CAPZB: variants seen among roughly 807,000 people sequenced by gnomAD.
CAPZB encodes the protein capping actin protein of muscle Z-line subunit beta, also known as F-actin-capping protein subunit beta.
In CAPZB, 2 loss-of-function variants were observed where a neutral mutation model predicts 38.1. That is an observed-to-expected ratio of 0.05 (90% confidence interval 0.02 to 0.17). The LOEUF (loss-of-function observed/expected upper bound fraction) is 0.17. Ranked by LOEUF, CAPZB falls within the 10% of genes least tolerant of loss-of-function variation. CAPZB has a pLI of 1.00. For missense variants in CAPZB, 161 were observed against 334.2 expected, an observed-to-expected ratio of 0.48 and a Z score of 4.04; for synonymous variants, 107 against 127.4, an observed-to-expected ratio of 0.84 and a Z score of 1.08.
chr1:19,382,084 G>A (rs1306953858), intron 3 of CAPZB, among the ~76,000 whole-genome samples: 4 of 152,048 alleles, frequency 2.6e-5, no homozygotes, highest in East Asian at 3.9e-4. Context: ...CCTGTAGGCT[G>A]GGAAGACCCG....
intron 1 of CAPZB, among the ~76,000 whole-genome samples, chr1:19,427,812 T>C (rs1165342450): frequency 6.6e-6 from 1 of 152,224 alleles, no homozygotes; most frequent in African/African-American, 2.4e-5. Context: ...ACGACAGAAG[T>C]CCACTTGGCG....
At chr1:19,409,375 G>T (rs567004328) in intron 2 of CAPZB, among the ~76,000 whole-genome samples, 4 of 152,080 alleles carry the variant, frequency 2.6e-5, no homozygotes, top group South Asian at 4.2e-4. Context: ...CCAAGCAGAA[G>T]GAACAGTCAT....
At chr1:19,469,220 AG>A (rs1009142896) in intron 1 of CAPZB, among the ~76,000 whole-genome samples, 4 of 152,292 alleles carry the variant, frequency 2.6e-5, no homozygotes, top group African/African-American at 9.6e-5. Flanking sequence ...CAGGCAGGGA[AG>A]GGGGAGCCAC....
chr1:19,423,968 T>C (rs1207685317), intron 1 of CAPZB, among the ~76,000 whole-genome samples: 2 of 151,802 alleles, frequency 1.3e-5, no homozygotes, highest in African/African-American at 2.4e-5. Context: ...TGAGCCACCA[T>C]GCCCAGCCAA....
At chr1:19,380,610 G>T (rs1269205255) in intron 3 of CAPZB, among the ~76,000 whole-genome samples, 1 of 152,206 alleles carries the variant, frequency 6.6e-6, no homozygotes, top group African/African-American at 2.4e-5. Flanking sequence ...TTCCTGAGAC[G>T]ATGGAGATGT....
chr1:19,462,420 T>C (rs2094554895), intron 1 of CAPZB, among the ~76,000 whole-genome samples: 1 of 151,268 alleles, frequency 6.6e-6, no homozygotes, highest in African/African-American at 2.4e-5. Context: ...ATCGTGCCAC[T>C]GCACTCTAGC....
At chr1:19,450,144 C>CAAAA (rs71008167) in intron 1 of CAPZB, among the ~76,000 whole-genome samples, 47 of 35,438 alleles carry the variant, frequency 1.3e-3, no homozygotes, top group African/African-American at 2.3e-3. Flanking sequence ...ACCCTGTCTC[C>CAAAA]AAAAAAAAAA....
chr1:19,430,957 G>A (rs761396410), intron 1 of CAPZB, among the ~76,000 whole-genome samples: 3 of 152,132 alleles, frequency 2.0e-5, no homozygotes, highest in Admixed American at 6.5e-5. Flanking sequence ...TGAGTGAGCT[G>A]GAGCATTTTC....
chr1:19,375,926 T>C (rs1389691193), intron 4 of CAPZB, among the ~76,000 whole-genome samples: 1 of 152,112 alleles, frequency 6.6e-6, no homozygotes, highest in East Asian at 1.9e-4. Context: ...GAAATTCTCA[T>C]GATAACAGGC....
At chr1:19,477,438 C>T (rs1239473725) in intron 1 of CAPZB, among the ~76,000 whole-genome samples, 2 of 152,242 alleles carry the variant, frequency 1.3e-5, no homozygotes, top group Non-Finnish European at 2.9e-5. Flanking sequence ...CAAGCCTGGC[C>T]GCTGCTCTTT....
intron 1 of CAPZB, among the ~76,000 whole-genome samples, chr1:19,478,586 A>G (rs1424454099): frequency 6.6e-6 from 1 of 152,240 alleles, no homozygotes; most frequent in Non-Finnish European, 1.5e-5. Flanking sequence ...GGAAAAACGC[A>G]GGCAAGCAGC....
intron 6 of CAPZB, among the ~76,000 whole-genome samples, chr1:19,355,648 C>T (rs577945110): frequency 4.6e-5 from 7 of 152,336 alleles, no homozygotes; most frequent in African/African-American, 1.4e-4. Context: ...GAACTGAGAA[C>T]GGAAGGGCAT....
intron 3 of CAPZB, among the ~76,000 whole-genome samples, chr1:19,381,779 G>A (rs1425038234): frequency 2.1e-5 from 3 of 142,720 alleles, no homozygotes; most frequent in African/African-American, 7.9e-5. Context: ...TGCAACCTGT[G>A]TCTCCTGGGT....
At chr1:19,370,701 T>C (rs990618155) in intron 4 of CAPZB, among the ~76,000 whole-genome samples, 1 of 151,946 alleles carries the variant, frequency 6.6e-6, no homozygotes, top group Admixed American at 6.6e-5. Context: ...AAACCCAAGT[T>C]CCCAGCTGCC....
intron 2 of CAPZB, among the ~76,000 whole-genome samples, chr1:19,392,135 A>C (rs1490606534): frequency 6.6e-6 from 1 of 151,430 alleles, no homozygotes; most frequent in Non-Finnish European, 1.5e-5. Context: ...GTGAGCCAAG[A>C]CTGTGTCACT....
chr1:19,443,171 G>A (rs1166131778), intron 1 of CAPZB, among the ~76,000 whole-genome samples: 1 of 151,704 alleles, frequency 6.6e-6, no homozygotes, highest in African/African-American at 2.4e-5. Flanking sequence ...AGGATGGCTT[G>A]AGCCCAGGAC....
At chr1:19,417,755 C>T (rs1410132833) in intron 2 of CAPZB, among the ~76,000 whole-genome samples, 1 of 152,244 alleles carries the variant, frequency 6.6e-6, no homozygotes, top group Non-Finnish European at 1.5e-5. Flanking sequence ...ACTGCCCGAC[C>T]GCCCCCAGCT....
At chr1:19,385,890 T>C (rs780648984) in intron 2 of CAPZB, 5 of 557,296 alleles carry the variant, frequency 9.0e-6, no homozygotes, top group South Asian at 6.9e-5. Flanking sequence ...CAGCTTTAAT[T>C]ACCTGGTCAC....
chr1:19,439,936 C>G (rs12140338), intron 1 of CAPZB, among the ~76,000 whole-genome samples: 34,283 of 152,164 alleles, frequency 0.23, 4,376 homozygotes, highest in Non-Finnish European at 0.28. Flanking sequence ...CATCCAGAAC[C>G]TCAGCAGTCT....
Sources: allele counts gnomAD v4.1 joint callset (sites outside exome capture counted in the v4.1 genomes callset), GRCh38; gene constraint gnomAD v4.1.1; transcripts MANE v1.5; gene names NCBI Gene and HGNC (gene_info 2026-07-23, HGNC 2026-07-21).